LARGE1: variants seen among roughly 807,000 people sequenced by gnomAD.
The protein encoded by LARGE1 is xylosyl- and glucuronyltransferase LARGE1.
Under a neutral mutation model 87.6 loss-of-function variants are expected in LARGE1, and 43 were observed. The ratio of observed to expected loss-of-function variants is 0.49; its 90% CI spans 0.38 to 0.63. LARGE1 has a LOEUF of 0.63. LARGE1 is among the 30% of genes least tolerant of loss of function. The pLI is 0.00. For synonymous variants in LARGE1, 434 were observed against 394.6 expected (o/e 1.10, Z -1.18); for missense variants, 802 against 1,000.2 (o/e 0.80, Z 2.67).
At chr22:33,467,601 C>T (rs2068668205) in intron 6 of LARGE1, among the ~76,000 whole-genome samples, 1 of 152,170 alleles carries the variant, frequency 6.6e-6, no homozygotes, top group Admixed American at 6.5e-5. Context: ...TAGAGCATCG[C>T]CCATAATGAA....
At chr22:33,775,631 C>A (rs2085210336) in intron 1 of LARGE1, among the ~76,000 whole-genome samples, 1 of 152,154 alleles carries the variant, frequency 6.6e-6, no homozygotes, top group South Asian at 2.1e-4. Flanking sequence ...GTGGGTGGAT[C>A]ACCTGAGGTC....
chr22:33,267,387 G>A (rs1405005717), intron 11 of LARGE1, among the ~76,000 whole-genome samples: 1 of 151,728 alleles, frequency 6.6e-6, no homozygotes, highest in Admixed American at 6.6e-5. Flanking sequence ...ATATTAGAAC[G>A]TTGAAGGCAG....
At chr22:33,529,812 A>T (rs1230481223) in intron 6 of LARGE1, among the ~76,000 whole-genome samples, 1 of 152,186 alleles carries the variant, frequency 6.6e-6, no homozygotes, top group Non-Finnish European at 1.5e-5. Flanking sequence ...TGTTCTCGGA[A>T]GATTATTTCT....
intron 11 of LARGE1, among the ~76,000 whole-genome samples, chr22:33,308,267 G>C (rs941212449): frequency 1.3e-5 from 2 of 152,170 alleles, no homozygotes; most frequent in East Asian, 1.9e-4. Context: ...CTCAGTGTCT[G>C]CTGGGATGGG....
intron 13 of LARGE1, among the ~76,000 whole-genome samples, chr22:33,280,596 G>A (rs1004201421): frequency 1.3e-5 from 2 of 152,188 alleles, no homozygotes; most frequent in African/African-American, 4.8e-5. Flanking sequence ...GTTTAGCCTG[G>A]ACACTGGCAG....
chr22:33,449,205 A>G (rs2067813783), intron 6 of LARGE1, among the ~76,000 whole-genome samples: 1 of 152,188 alleles, frequency 6.6e-6, no homozygotes, highest in South Asian at 2.1e-4. Context: ...GATCCAAGCT[A>G]TAGATTTGCA....
chr22:33,417,851 A>G (rs2066555517), intron 7 of LARGE1, among the ~76,000 whole-genome samples: 2 of 152,192 alleles, frequency 1.3e-5, no homozygotes, highest in African/African-American at 4.8e-5. Context: ...TGTTTCCTCC[A>G]TTTCAAACCA....
chr22:33,800,166 C>CA (rs2086115324), intron 1 of LARGE1, among the ~76,000 whole-genome samples: 1 of 152,178 alleles, frequency 6.6e-6, no homozygotes, highest in Admixed American at 6.5e-5. Flanking sequence ...AGGATTATAT[C>CA]AAAAGCTCTG....
chr22:33,690,203 A>C (rs2082057915), intron 2 of LARGE1, among the ~76,000 whole-genome samples: 1 of 152,216 alleles, frequency 6.6e-6, no homozygotes, highest in South Asian at 2.1e-4. Flanking sequence ...AGAACCCAAA[A>C]AGTAGAAATG....
intron 9 of LARGE1, among the ~76,000 whole-genome samples, chr22:33,374,769 T>C (rs572145409): frequency 6.6e-6 from 1 of 152,170 alleles, no homozygotes; most frequent in Non-Finnish European, 1.5e-5. Context: ...CCAAATTATA[T>C]AAAATTCTTA....
intron 11 of LARGE1, among the ~76,000 whole-genome samples, chr22:33,230,171 C>A (rs1352351582): frequency 6.6e-6 from 1 of 151,826 alleles, no homozygotes; most frequent in African/African-American, 2.4e-5. Flanking sequence ...ACCACCACGC[C>A]CAGCTAATTT....
chr22:33,093,810 T>C, the LARGE1 span, among the ~76,000 whole-genome samples: 6 of 145,306 alleles, frequency 4.1e-5, no homozygotes, highest in African/African-American at 1.0e-4. Context: ...GATTCTTTTT[T>C]TTTCTTTCTT....
At chr22:33,352,940 C>T (rs1940529562) in intron 9 of LARGE1, among the ~76,000 whole-genome samples, 1 of 152,130 alleles carries the variant, frequency 6.6e-6, no homozygotes, top group African/African-American at 2.4e-5. Flanking sequence ...ACCAATAAGA[C>T]AAGCTGATGT....
rs192761456 is a variant in LARGE1, at chr22:33,588,772, G to A, written c.615+15663C>T. ...GAACCTTTGCATGAAGTTAGGACCC[G>A]AATCCTACACTCTTAGTATAAAGGT... On this transcript the variant is annotated intron_variant, in intron 5 of 14. Transcript: ENST00000397394. Among the ~76,000 whole-genome samples, 404 of 152,206 alleles carry A rather than the reference G, an allele frequency of 2.7e-3. 1 individual carries two copies. Among genetic ancestry groups the A allele is most frequent in the Admixed American group, 7.1e-3 (108 of 15,286 alleles).
At chr22:33,627,339 A>G (rs184461477) in intron 3 of LARGE1, among the ~76,000 whole-genome samples, 1 of 152,310 alleles carries the variant, frequency 6.6e-6, no homozygotes, top group Admixed American at 6.5e-5. Flanking sequence ...GGAAGAATGG[A>G]GAGTTCATAC....
chr22:33,752,864 C>T (rs2084373164), intron 2 of LARGE1, among the ~76,000 whole-genome samples: 1 of 152,184 alleles, frequency 6.6e-6, no homozygotes. Context: ...TTCGCCAGTA[C>T]CATTAAATTA....
intron 4 of LARGE1, among the ~76,000 whole-genome samples, chr22:33,611,706 T>A (rs1005509315): frequency 6.6e-6 from 1 of 152,194 alleles, no homozygotes; most frequent in Non-Finnish European, 1.5e-5. Flanking sequence ...GAGGAGGACA[T>A]GACATTTCGG....
chr22:33,371,071 CAT>C (rs2064791946), intron 9 of LARGE1, among the ~76,000 whole-genome samples: 1 of 149,470 alleles, frequency 6.7e-6, no homozygotes, highest in Admixed American at 6.7e-5. Flanking sequence ...TATAGAATAA[CAT>C]GTTATATGAA....
intron 7 of LARGE1, among the ~76,000 whole-genome samples, chr22:33,419,841 C>T (rs945338300): frequency 2.6e-5 from 4 of 152,170 alleles, no homozygotes; most frequent in African/African-American, 9.7e-5. Flanking sequence ...CAGGCGCCTA[C>T]CACCATCACA....
Sources: allele counts gnomAD v4.1 joint callset (sites outside exome capture counted in the v4.1 genomes callset), GRCh38; gene constraint gnomAD v4.1.1; transcripts MANE v1.5; gene names NCBI Gene and HGNC (gene_info 2026-07-23, HGNC 2026-07-21).